TMEFF1: variants seen among roughly 807,000 people sequenced by gnomAD.
TMEFF1 encodes transmembrane protein with EGF like and two follistatin like domains 1, also known as tomoregulin-1.
TMEFF1 carries 20 observed loss-of-function variants against 47.5 expected under a neutral mutation model. That is an observed-to-expected ratio of 0.42 (90% confidence interval 0.30 to 0.61). The LOEUF (loss-of-function observed/expected upper bound fraction) is 0.61, where lower values mean the gene tolerates loss of function less well. Among genes scored for constraint, TMEFF1 ranks in the 20% least tolerant of loss-of-function variants. The probability of loss-of-function intolerance (pLI) is 0.19; values close to 1 mark genes in which losing one functional copy is unlikely to be tolerated. For synonymous variants in TMEFF1, 162 were observed against 166.3 expected (o/e 0.97, Z 0.20); for missense variants, 411 against 471.1 (o/e 0.87, Z 1.18).
chr9:100,513,376 T>G, intron 4 of TMEFF1, 43 bp downstream of exon 4: 1 of 1,542,534 alleles, frequency 6.5e-7, no homozygotes, highest in Non-Finnish European at 8.7e-7. Context: ...CTTTTCTTTC[T>G]TTCTTTCTTT....
chr9:100,551,815 A>G (rs1838831691), intron 7 of TMEFF1, among the ~76,000 whole-genome samples: 1 of 152,254 alleles, frequency 6.6e-6, no homozygotes, highest in Non-Finnish European at 1.5e-5. Context: ...ACTTCTAACA[A>G]AGTAGAAATT....
At chr9:100,487,470 C>T (rs1461305713) in intron 1 of TMEFF1, among the ~76,000 whole-genome samples, 1 of 152,114 alleles carries the variant, frequency 6.6e-6, no homozygotes, top group Non-Finnish European at 1.5e-5. Flanking sequence ...GCCCAGCCTC[C>T]TTCTCTCTCT....
chr9:100,541,943 A>G (rs992482488), intron 5 of TMEFF1, among the ~76,000 whole-genome samples: 5 of 152,146 alleles, frequency 3.3e-5, no homozygotes, highest in Non-Finnish European at 7.4e-5. Flanking sequence ...TCATTTTAAC[A>G]TGTATCTTAC....
chr9:100,493,386 G>C (rs193160517), intron 1 of TMEFF1, among the ~76,000 whole-genome samples: 1 of 152,136 alleles, frequency 6.6e-6, no homozygotes, highest in Non-Finnish European at 1.5e-5. Flanking sequence ...TAGAAAAGTC[G>C]TATCATTCTG....
At chr9:100,550,007 A>T in intron 6 of TMEFF1, 88 bp from the exon 7 acceptor site, 4 of 1,463,530 alleles carry the variant, frequency 2.7e-6, no homozygotes, top group Non-Finnish European at 2.7e-6. Flanking sequence ...GTTAAGAAGA[A>T]CTTGGAATAA....
At chr9:100,498,642 C>T in intron 1 of TMEFF1, 123 bp from the exon 2 acceptor site, 2 of 791,002 alleles carry the variant, frequency 2.5e-6, no homozygotes, top group South Asian at 4.0e-5. Context: ...TCTTATTACA[C>T]TTCTGAATGG....
At chr9:100,514,690 C>CAAAA (rs10549105) in intron 4 of TMEFF1, among the ~76,000 whole-genome samples, 1 of 101,630 alleles carries the variant, frequency 9.8e-6, no homozygotes, top group Non-Finnish European at 2.1e-5. Context: ...GTCTCTACCC[C>CAAAA]AAAAAAAAAA....
At chr9:100,503,954 A>C (rs1159216071) in intron 2 of TMEFF1, among the ~76,000 whole-genome samples, 2 of 152,204 alleles carry the variant, frequency 1.3e-5, no homozygotes, top group African/African-American at 4.8e-5. Flanking sequence ...TAATCATCAC[A>C]ACCTTGTTAT....
chr9:100,499,394 T>C lies in TMEFF1; in HGVS notation c.306+520T>C, dbSNP rs534430909. The stretch of plus-strand genomic sequence containing the variant: ...TTTCAGATGCTCTTTTAGTTGTGAT[T>C]CTGTTGTCTAAAAAAGTAAAACAAG... On this transcript the variant is annotated intron_variant, in intron 2 of 9. Transcript: ENST00000374879. Among the ~76,000 whole-genome samples, 7 of 152,346 alleles carry C rather than the reference T, an allele frequency of 4.6e-5. No individual in the cohort carries two copies. In the East Asian group the frequency reaches 1.3e-3, roughly 29 times the overall value.
intron 5 of TMEFF1, among the ~76,000 whole-genome samples, chr9:100,544,790 A>G (rs1379636552): frequency 6.6e-6 from 1 of 152,256 alleles, no homozygotes; most frequent in African/African-American, 2.4e-5. Flanking sequence ...CCTAGATACA[A>G]AGGGAGTACA....
intron 7 of TMEFF1, among the ~76,000 whole-genome samples, chr9:100,551,952 A>G (rs1399239624): frequency 4.6e-5 from 7 of 152,226 alleles, no homozygotes; most frequent in African/African-American, 1.4e-4. Context: ...TGAGTGAACC[A>G]TGAAGGACGA....
At chr9:100,554,859 T>C (rs1192401963) in intron 7 of TMEFF1, among the ~76,000 whole-genome samples, 1 of 152,096 alleles carries the variant, frequency 6.6e-6, no homozygotes, top group Non-Finnish European at 1.5e-5. Context: ...GGGTTACTGA[T>C]GCAGTGTTGA....
In TMEFF1 at chr9:100,561,500, T is replaced by G; in HGVS notation, c.879T>G (p.Ser293=). ...CIHGKCEFIY[S]TQKASCRCES... is the part of the protein sequence containing the mutation. The stretch of plus-strand genomic sequence containing the variant: ...ATGGAAAATGTGAATTCATCTATTC[T>G]ACTCAGAAGGCTTCTTGTAGGTAAG... Residue 293 remains serine, a synonymous_variant, in exon 8 of 10, where the codon TCT becomes TCG. Coordinates refer to ENST00000374879, the MANE Select transcript of TMEFF1 (RefSeq NM_003692.5). The G allele has an allele frequency of 1.2e-6, 2 of 1,612,842 alleles. No homozygotes were observed. The highest frequency in any genetic ancestry group is 1.7e-6 in the Non-Finnish European group (2 of 1,179,552).
intron 1 of TMEFF1, among the ~76,000 whole-genome samples, chr9:100,489,774 C>A (rs1837515918): frequency 6.6e-6 from 1 of 152,086 alleles, no homozygotes; most frequent in Non-Finnish European, 1.5e-5. Flanking sequence ...ATTTTAATAA[C>A]CGCACCATAA....
chr9:100,505,420 A>C (rs1837839517), intron 2 of TMEFF1, among the ~76,000 whole-genome samples: 1 of 148,996 alleles, frequency 6.7e-6, no homozygotes, highest in South Asian at 2.1e-4. Flanking sequence ...CAAAAAAAAA[A>C]AAAAAAAAAA....
rs1229865061 is a variant in TMEFF1, at chr9:100,572,574, A to T, written c.956A>T (p.Tyr319Phe). Residue 319 changes from tyrosine to phenylalanine, a missense_variant, in exon 9 of 10, where the codon TAT (tyrosine) becomes TTT (phenylalanine). Physicochemically the swap from Tyr to Phe is conservative, Grantham distance 22. Transcript: ENST00000374879. ...HCEKTDFSIL[Y>F]VVPSRQKLTH... ...GAAAAGACAGACTTTAGTATTCTCT[A>T]TGTAGTGCCAAGTAGGCAAAAGCTC... 1 of 1,613,652 alleles carries T rather than the reference A, an allele frequency of 6.2e-7. No homozygotes were observed.
At chr9:100,521,999 C>T (rs1838169325) in intron 5 of TMEFF1, among the ~76,000 whole-genome samples, 2 of 152,144 alleles carry the variant, frequency 1.3e-5, no homozygotes, top group African/African-American at 4.8e-5. Context: ...TTTGTGGTAC[C>T]ATTTTCTGTT....
chr9:100,552,646 G>T (rs1283283954), intron 7 of TMEFF1, among the ~76,000 whole-genome samples: 1 of 152,120 alleles, frequency 6.6e-6, no homozygotes, highest in African/African-American at 2.4e-5. Context: ...GCCACATGTA[G>T]CTATTTAAAT....
At chr9:100,531,978 C>G (rs1351582697) in intron 5 of TMEFF1, among the ~76,000 whole-genome samples, 2 of 150,512 alleles carry the variant, frequency 1.3e-5, no homozygotes, top group Non-Finnish European at 3.0e-5. Context: ...CTGAGAAAAA[C>G]AAGCAATGGG....
Sources: gnomAD v4.1 joint callset for allele counts (sites outside exome capture counted in the v4.1 genomes callset) on GRCh38, gnomAD v4.1.1 for gene constraint, MANE v1.5 for transcripts, NCBI Gene and HGNC (gene_info 2026-07-23, HGNC 2026-07-21) for gene names.